DLG2: variants seen among roughly 807,000 people sequenced by gnomAD.
The protein encoded by DLG2 is discs large MAGUK scaffold protein 2, also known as disks large homolog 2.
A neutral mutation model predicts 132.5 loss-of-function variants in DLG2; 45 were observed. That is an observed-to-expected ratio of 0.34 (90% CI 0.27 to 0.44). The LOEUF (loss-of-function observed/expected upper bound fraction) is 0.44. Among genes scored for constraint, DLG2 ranks in the 20% least tolerant of loss-of-function variants. The pLI is 1.00. For missense variants in DLG2, 1,045 were observed against 1,196.9 expected, an observed-to-expected ratio of 0.87 and a Z score of 1.87; for synonymous variants, 424 against 419.6, an observed-to-expected ratio of 1.01 and a Z score of -0.13.
At chr11:83,971,460 A>G (rs1489878071) in intron 12 of DLG2, among the ~76,000 whole-genome samples, 1 of 152,208 alleles carries the variant, frequency 6.6e-6, no homozygotes, top group African/African-American at 2.4e-5. Context: ...TGGGAATTCA[A>G]ATGTGTGTAA....
intron 6 of DLG2, among the ~76,000 whole-genome samples, chr11:84,683,980 A>G (rs1410913007): frequency 6.6e-6 from 1 of 152,230 alleles, no homozygotes; most frequent in Non-Finnish European, 1.5e-5. Context: ...ACAAATTTCA[A>G]ATAGAAAACA....
At chr11:84,594,782 T>A (rs1593221818) in intron 6 of DLG2, among the ~76,000 whole-genome samples, 1 of 152,162 alleles carries the variant, frequency 6.6e-6, no homozygotes, top group East Asian at 1.9e-4. Flanking sequence ...GAGGGACTAG[T>A]TTAGAGCCTA....
intron 6 of DLG2, among the ~76,000 whole-genome samples, chr11:84,608,981 G>A (rs2099590574): frequency 6.6e-6 from 1 of 152,150 alleles, no homozygotes; most frequent in Non-Finnish European, 1.5e-5. Flanking sequence ...TTTAGTAAGT[G>A]GCAGAACCTG....
At chr11:85,132,556 T>C (rs1391638539) in intron 5 of DLG2, among the ~76,000 whole-genome samples, 1 of 151,950 alleles carries the variant, frequency 6.6e-6, no homozygotes, top group African/African-American at 2.4e-5. Context: ...TCTCCTTCCA[T>C]TTGCACAAAC....
At chr11:83,958,460 A>G (rs938883368) in intron 14 of DLG2, among the ~76,000 whole-genome samples, 20 of 152,222 alleles carry the variant, frequency 1.3e-4, no homozygotes, top group African/African-American at 4.8e-4. Context: ...CTAAATTCAC[A>G]GCTAGGTAAA....
At chr11:84,598,598 C>G (rs1362978200) in intron 6 of DLG2, among the ~76,000 whole-genome samples, 3 of 152,050 alleles carry the variant, frequency 2.0e-5, no homozygotes, top group African/African-American at 4.8e-5. Flanking sequence ...AATTCCACCT[C>G]CTCTGATAAT....
intron 3 of DLG2, among the ~76,000 whole-genome samples, chr11:85,470,809 G>A (rs540864380): frequency 1.6e-4 from 24 of 152,318 alleles, no homozygotes; most frequent in African/African-American, 4.8e-4. Context: ...CTAAATTAGA[G>A]GCCAAGACTT....
At chr11:84,430,245 G>A (rs2098980049) in intron 7 of DLG2, among the ~76,000 whole-genome samples, 1 of 152,022 alleles carries the variant, frequency 6.6e-6, no homozygotes, top group African/African-American at 2.4e-5. Context: ...AGACCATCCT[G>A]GCCAACATGG....
intron 6 of DLG2, among the ~76,000 whole-genome samples, chr11:84,862,614 T>C (rs530057002): frequency 3.3e-5 from 5 of 152,102 alleles, no homozygotes; most frequent in Middle Eastern, 3.4e-3. Flanking sequence ...ATGTGGCACA[T>C]AGACACCATA....
intron 6 of DLG2, among the ~76,000 whole-genome samples, chr11:84,542,796 T>C (rs2154522497): frequency 6.6e-6 from 1 of 152,300 alleles, no homozygotes; most frequent in African/African-American, 2.4e-5. Context: ...AAAATTTCCA[T>C]TTCATCTCAA....
intron 27 of DLG2, among the ~76,000 whole-genome samples, chr11:83,460,657 T>C (rs961405116): frequency 6.6e-6 from 1 of 152,222 alleles, no homozygotes; most frequent in Non-Finnish European, 1.5e-5. Flanking sequence ...TGTAGAAAGA[T>C]TTCCAAAACA....
intron 18 of DLG2, among the ~76,000 whole-genome samples, chr11:83,649,866 T>G (rs1299329692): frequency 6.6e-6 from 1 of 152,178 alleles, no homozygotes; most frequent in Non-Finnish European, 1.5e-5. Flanking sequence ...ATTCCTTAAT[T>G]TTCAAGTCTC....
chr11:84,133,634 C>G (rs568871291), intron 9 of DLG2, among the ~76,000 whole-genome samples: 6 of 151,356 alleles, frequency 4.0e-5, no homozygotes, highest in African/African-American at 1.5e-4. Flanking sequence ...TTTCCTTCTT[C>G]TTCTTCTTCT....
intron 7 of DLG2, among the ~76,000 whole-genome samples, chr11:84,524,848 TTC>T (rs377508661): frequency 0.039 from 5,843 of 151,304 alleles, 128 homozygotes; most frequent in Middle Eastern, 0.088. Context: ...CATAGGGTAT[TTC>T]TTTTTTTTTT....
At chr11:85,059,710 C>G (rs562210378) in intron 6 of DLG2, among the ~76,000 whole-genome samples, 1 of 151,524 alleles carries the variant, frequency 6.6e-6, no homozygotes, top group Non-Finnish European at 1.5e-5. Context: ...ACAGGTGTAA[C>G]TAATTTGTCA....
At chr11:84,844,255 A>G (rs1197945747) in intron 6 of DLG2, among the ~76,000 whole-genome samples, 2 of 150,018 alleles carry the variant, frequency 1.3e-5, no homozygotes, top group East Asian at 3.9e-4. Flanking sequence ...TGTACATACT[A>G]GGGAATATAT....
At chr11:84,838,015 T>A (rs2080058056) in intron 6 of DLG2, among the ~76,000 whole-genome samples, 1 of 151,868 alleles carries the variant, frequency 6.6e-6, no homozygotes, top group Non-Finnish European at 1.5e-5. Context: ...TTGATATCAC[T>A]GATCTAAGAA....
At chr11:83,607,977 C>A (rs1001863344) in intron 19 of DLG2, among the ~76,000 whole-genome samples, 12 of 152,154 alleles carry the variant, frequency 7.9e-5, no homozygotes, top group Admixed American at 2.6e-4. Context: ...GGGACAAGGT[C>A]TAGGATTGAC....
intron 15 of DLG2, among the ~76,000 whole-genome samples, chr11:83,885,785 G>C (rs191272034): frequency 6.6e-6 from 1 of 152,154 alleles, no homozygotes; most frequent in African/African-American, 2.4e-5. Context: ...TAGAGTGGGG[G>C]CCAATATTCA....
Sources: gnomAD v4.1 joint callset for allele counts (sites outside exome capture counted in the v4.1 genomes callset) on GRCh38, gnomAD v4.1.1 for gene constraint, MANE v1.5 for transcripts, NCBI Gene and HGNC (gene_info 2026-07-23, HGNC 2026-07-21) for gene names.